L3MBTL4: variants seen among roughly 807,000 people sequenced by gnomAD.
L3MBTL4 encodes L3MBTL histone methyl-lysine binding protein 4, also known as lethal(3)malignant brain tumor-like protein 4.
L3MBTL4 carries 70 observed loss-of-function variants against 84.5 expected under a neutral mutation model. The ratio of observed to expected loss-of-function variants is 0.83; its 90% CI spans 0.68 to 1.01. The LOEUF is 1.01. Among genes scored for constraint, L3MBTL4 ranks in the 50% least tolerant of loss-of-function variants. The probability of loss-of-function intolerance (pLI) is 0.00; values close to 1 mark genes in which losing one functional copy is unlikely to be tolerated. For synonymous variants in L3MBTL4, 274 were observed against 259.8 expected, an observed-to-expected ratio of 1.05 and a Z score of -0.52; for missense variants, 715 against 754.8, an observed-to-expected ratio of 0.95 and a Z score of 0.62.
intron 4 of L3MBTL4, among the ~76,000 whole-genome samples, chr18:6,297,621 C>G (rs762312659): frequency 2.6e-5 from 4 of 152,116 alleles, no homozygotes; most frequent in African/African-American, 4.8e-5. Context: ...GTTTTTAGTT[C>G]AGGAGTTTCT....
chr18:6,345,679 C>T (rs1187642384), intron 1 of L3MBTL4, among the ~76,000 whole-genome samples: 2 of 152,098 alleles, frequency 1.3e-5, no homozygotes, highest in Non-Finnish European at 2.9e-5. Context: ...AAAGTAGACA[C>T]AAATACAGAG....
At chr18:6,060,443 G>C (rs1466611196) in intron 16 of L3MBTL4, among the ~76,000 whole-genome samples, 1 of 148,756 alleles carries the variant, frequency 6.7e-6, no homozygotes, top group Non-Finnish European at 1.5e-5. Context: ...GGCAGTTTTA[G>C]GTTTATAAAA....
intron 13 of L3MBTL4, among the ~76,000 whole-genome samples, chr18:6,166,194 C>T (rs2043646316): frequency 6.6e-6 from 1 of 152,114 alleles, no homozygotes; most frequent in Admixed American, 6.5e-5. Context: ...CCTTAGTGAC[C>T]TACAAAGAGA....
chr18:6,324,111 G>A (rs1299271235), intron 1 of L3MBTL4, among the ~76,000 whole-genome samples: 1 of 152,156 alleles, frequency 6.6e-6, no homozygotes, highest in Non-Finnish European at 1.5e-5. Context: ...ATAAGCCTTG[G>A]CAGCTTCCAC....
chr18:6,118,993 CTTTTTTTTTTT>C (rs779523685), intron 14 of L3MBTL4, among the ~76,000 whole-genome samples: 6 of 83,712 alleles, frequency 7.2e-5, no homozygotes, highest in East Asian at 4.1e-4. Flanking sequence ...TTTTTGGTTT[CTTTTTTTTTTT>C]TTTTTTTTTT....
chr18:6,400,204 GA>G (rs2055451515), intron 1 of L3MBTL4, among the ~76,000 whole-genome samples: 1 of 152,142 alleles, frequency 6.6e-6, no homozygotes, highest in South Asian at 2.1e-4. Flanking sequence ...AAAGTTTTGT[GA>G]AACTAAAACA....
chr18:5,967,119 G>A (rs1386897304), intron 17 of L3MBTL4, among the ~76,000 whole-genome samples: 2 of 152,308 alleles, frequency 1.3e-5, no homozygotes, highest in East Asian at 1.9e-4. Flanking sequence ...AACCCAGAAC[G>A]GCTCTGTCCA....
At chr18:6,345,555 T>TA (rs147373338) in intron 1 of L3MBTL4, among the ~76,000 whole-genome samples, 29,706 of 151,966 alleles carry the variant, frequency 0.2, 3,637 homozygotes, top group African/African-American at 0.35. Flanking sequence ...CAATAGAATT[T>TA]AAAAACAATC....
chr18:5,997,011 C>T (rs566427728), intron 16 of L3MBTL4, among the ~76,000 whole-genome samples: 1 of 151,166 alleles, frequency 6.6e-6, no homozygotes, highest in African/African-American at 2.5e-5. Context: ...TCCTCAGTAT[C>T]CATGTCATGG....
chr18:6,054,387 A>G (rs1487954887), intron 16 of L3MBTL4, among the ~76,000 whole-genome samples: 4 of 152,054 alleles, frequency 2.6e-5, no homozygotes, highest in Non-Finnish European at 4.4e-5. Flanking sequence ...CAGGGGTATG[A>G]AAGTCAATTC....
At chr18:6,397,964 T>G (rs940349834) in intron 1 of L3MBTL4, 4 of 152,216 alleles carry the variant, frequency 2.6e-5, no homozygotes, top group Non-Finnish European at 5.9e-5. Context: ...CACCTGCCCT[T>G]TCTTGGGAAG....
chr18:6,073,011 TGGAAGGCA>T (rs944180057), intron 16 of L3MBTL4, among the ~76,000 whole-genome samples: 3 of 135,298 alleles, frequency 2.2e-5, no homozygotes, highest in African/African-American at 8.5e-5. Flanking sequence ...CCAAAGAGAG[TGGAAGGCA>T]GGAAGGCAGA....
At chr18:6,016,697 A>T (rs79324708) in intron 16 of L3MBTL4, among the ~76,000 whole-genome samples, 6,621 of 152,316 alleles carry the variant, frequency 0.043, 168 homozygotes, top group South Asian at 0.075. Context: ...AGGTGATTTA[A>T]CTAATAGCAT....
At chr18:6,091,389 T>C (rs944503285) in intron 15 of L3MBTL4, among the ~76,000 whole-genome samples, 22 of 152,172 alleles carry the variant, frequency 1.4e-4, no homozygotes, top group African/African-American at 5.3e-4. Flanking sequence ...CAAGGATGGC[T>C]TTGGTCTTGA....
At chr18:5,956,433 A>G in intron 18 of L3MBTL4, 46 bp from the exon 19 acceptor site, 1 of 1,585,146 alleles carries the variant, frequency 6.3e-7, no homozygotes, top group African/African-American at 1.3e-5. Context: ...TTGCCACGGA[A>G]GCCTGTTTAC....
At chr18:6,042,708 C>T (rs746868841) in intron 16 of L3MBTL4, among the ~76,000 whole-genome samples, 2 of 152,190 alleles carry the variant, frequency 1.3e-5, no homozygotes, top group African/African-American at 4.8e-5. Flanking sequence ...TTTGGCCAAG[C>T]CTTTGAGTGT....
chr18:6,078,555 T>G (rs1193838979), intron 16 of L3MBTL4, among the ~76,000 whole-genome samples: 3 of 150,666 alleles, frequency 2.0e-5, no homozygotes, highest in African/African-American at 7.3e-5. Flanking sequence ...AATATCACCA[T>G]AAGAACATAT....
chr18:6,143,709 A>C (rs1040946616), intron 13 of L3MBTL4, among the ~76,000 whole-genome samples: 2 of 152,074 alleles, frequency 1.3e-5, no homozygotes, highest in Non-Finnish European at 2.9e-5. Context: ...TTCTTGTCTT[A>C]TTTTTACCAC....
At chr18:5,995,687 G>A (rs778561329) in intron 16 of L3MBTL4, among the ~76,000 whole-genome samples, 37 of 152,162 alleles carry the variant, frequency 2.4e-4, no homozygotes, top group Non-Finnish European at 4.0e-4. Context: ...ACAGATTTGG[G>A]AGTTCTAAGA....
Sources: allele counts gnomAD v4.1 joint callset (sites outside exome capture counted in the v4.1 genomes callset), GRCh38; gene constraint gnomAD v4.1.1; transcripts MANE v1.5; gene names NCBI Gene and HGNC (gene_info 2026-07-23, HGNC 2026-07-21).